The following AOPEP variants were observed in gnomAD, a reference collection of about 807,000 sequenced individuals.
AOPEP encodes aminopeptidase O (putative).
In AOPEP, 77 loss-of-function variants were observed where a neutral mutation model predicts 98.1. The observed-to-expected ratio is 0.78, with a 90% CI of 0.65 to 0.95. The LOEUF is 0.95. AOPEP is among the 40% of genes least tolerant of loss of function. AOPEP has a pLI of 0.00. For synonymous variants in AOPEP, 346 were observed against 365.3 expected (o/e 0.95, Z 0.60); for missense variants, 1,024 against 1,024.7 (o/e 1.00, Z 0.01).
rs958658544 is a variant in AOPEP, at chr9:94,951,375, G to A, written c.1662-3802G>A. Among the ~76,000 whole-genome samples, 6 of 152,206 alleles carry A rather than the reference G, an allele frequency of 3.9e-5. No homozygotes were observed. The East Asian group carries it at 1.2e-3, about 29-fold the overall frequency. On this transcript the variant is annotated intron_variant, in intron 7 of 16. Transcript: ENST00000375315. The stretch of plus-strand genomic sequence containing the variant: ...GATCTTGGGGGGGCCCCAGAGTGTA[G>A]CAAGGACTTTGGTGTTCTGTGGACC...
chr9:94,975,855 G>A (rs10993427), intron 10 of AOPEP, among the ~76,000 whole-genome samples: 2 of 152,074 alleles, frequency 1.3e-5, no homozygotes, highest in Non-Finnish European at 2.9e-5. Flanking sequence ...CGCAGGACCC[G>A]CTGTTTTCTT....
the AOPEP span, among the ~76,000 whole-genome samples, chr9:95,138,296 C>T: frequency 6.6e-6 from 1 of 152,224 alleles, no homozygotes; most frequent in South Asian, 2.1e-4. Flanking sequence ...GAACAGTGGG[C>T]AGCTTTACTG....
At chr9:94,745,678 A>G (rs1467297769) in intron 1 of AOPEP, among the ~76,000 whole-genome samples, 1 of 152,060 alleles carries the variant, frequency 6.6e-6, no homozygotes, top group Non-Finnish European at 1.5e-5. Context: ...TTCCATCCAT[A>G]TTGTTGCAAA....
intron 1 of AOPEP, among the ~76,000 whole-genome samples, chr9:94,727,390 C>G (rs1207211331): frequency 6.6e-6 from 1 of 152,178 alleles, no homozygotes; most frequent in Non-Finnish European, 1.5e-5. Flanking sequence ...ATGCATGGAA[C>G]AGTTAATAGC....
At chr9:95,073,126 T>C (rs1168349963) in intron 14 of AOPEP, among the ~76,000 whole-genome samples, 1 of 152,188 alleles carries the variant, frequency 6.6e-6, no homozygotes, top group Non-Finnish European at 1.5e-5. Context: ...TTACTACTCC[T>C]GGGACTCCCC....
chr9:95,081,826 G>A (rs1038305849), intron 15 of AOPEP, among the ~76,000 whole-genome samples: 1 of 152,106 alleles, frequency 6.6e-6, no homozygotes. Flanking sequence ...TTGCTCTTGC[G>A]ATGTCTTTGA....
intron 13 of AOPEP, among the ~76,000 whole-genome samples, chr9:95,043,375 G>GGTC (rs2065535291): frequency 1.3e-5 from 2 of 151,814 alleles, no homozygotes; most frequent in Admixed American, 1.3e-4. Context: ...CTGTTACACT[G>GGTC]TAATAGCTAA....
At chr9:95,099,214 G>A in the AOPEP span, 2 of 218,002 alleles carry the variant, frequency 9.2e-6, no homozygotes, top group Non-Finnish European at 1.8e-5. Context: ...TCTCTCTGAG[G>A]GTAGTGGTTT....
the AOPEP span, chr9:95,101,688 C>A: frequency 6.2e-7 from 1 of 1,613,258 alleles, no homozygotes; most frequent in Non-Finnish European, 8.5e-7. Flanking sequence ...GCCGGGCACC[C>A]ACACGGCCTG....
intron 7 of AOPEP, among the ~76,000 whole-genome samples, chr9:94,951,469 T>C (rs78046927): frequency 0.029 from 4,345 of 152,286 alleles, 220 homozygotes; most frequent in African/African-American, 0.099. Flanking sequence ...TTTCTTTAAC[T>C]TTTAAATGGG....
intron 5 of AOPEP, among the ~76,000 whole-genome samples, chr9:94,865,306 G>A (rs1049867904): frequency 6.6e-6 from 1 of 152,172 alleles, no homozygotes; most frequent in Non-Finnish European, 1.5e-5. Context: ...GGTTTTGTGT[G>A]TCTTTGTTAA....
chr9:95,022,377 C>T (rs897948086), intron 13 of AOPEP: 2 of 152,196 alleles, frequency 1.3e-5, no homozygotes, highest in South Asian at 2.1e-4. Flanking sequence ...GGGTCTCTGT[C>T]GCCAGGCTGG....
intron 1 of AOPEP, among the ~76,000 whole-genome samples, chr9:94,732,949 T>C (rs570656423): frequency 3.3e-5 from 5 of 152,194 alleles, no homozygotes; most frequent in Non-Finnish European, 7.3e-5. Flanking sequence ...GTGGTCATGT[T>C]TGAGCAAGTG....
intron 5 of AOPEP, among the ~76,000 whole-genome samples, chr9:94,889,880 T>A (rs1588719170): frequency 6.6e-6 from 1 of 152,348 alleles, no homozygotes; most frequent in South Asian, 2.1e-4. Flanking sequence ...CAGATAGGTA[T>A]GTAGTGGTAC....
intron 5 of AOPEP, among the ~76,000 whole-genome samples, chr9:94,901,451 G>A (rs1294840864): frequency 6.6e-6 from 1 of 151,584 alleles, no homozygotes; most frequent in African/African-American, 2.4e-5. Context: ...ACCTATGATC[G>A]GTGTTTATCT....
the AOPEP span, among the ~76,000 whole-genome samples, chr9:95,121,698 T>A: frequency 6.6e-6 from 1 of 152,108 alleles, no homozygotes; most frequent in African/African-American, 2.4e-5. Flanking sequence ...CTCTGCTGAG[T>A]GGAAAAGCAA....
At chr9:95,128,372 A>G in the AOPEP span, among the ~76,000 whole-genome samples, 2 of 152,270 alleles carry the variant, frequency 1.3e-5, no homozygotes, top group Non-Finnish European at 2.9e-5. Flanking sequence ...GCCCACAGGC[A>G]GACAGATAAG....
At chr9:94,728,239 G>GCGCGCGCGCGCGCGCGCGCACACACA (rs113657409) in intron 1 of AOPEP, among the ~76,000 whole-genome samples, 1 of 146,512 alleles carries the variant, frequency 6.8e-6, no homozygotes, top group East Asian at 2.0e-4. Context: ...GTGCGCGCAT[G>GCGCGCGCGCGCGCGCGCGCACACACA]CACACACACA....
chr9:94,871,885 T>C (rs138127237), intron 5 of AOPEP, among the ~76,000 whole-genome samples: 1 of 152,210 alleles, frequency 6.6e-6, no homozygotes, highest in Non-Finnish European at 1.5e-5. Context: ...TGTGTGCTTG[T>C]AGTCCCAGCT....
Sources: gnomAD v4.1 joint callset for allele counts (sites outside exome capture counted in the v4.1 genomes callset) on GRCh38, gnomAD v4.1.1 for gene constraint, MANE v1.5 for transcripts, NCBI Gene and HGNC (gene_info 2026-07-23, HGNC 2026-07-21) for gene names.